The following NRXN3 variants were observed in gnomAD, a reference collection of about 807,000 sequenced individuals.
NRXN3 encodes the protein neurexin 3.
NRXN3 carries 32 observed loss-of-function variants against 137.6 expected under a neutral mutation model. That is an observed-to-expected ratio of 0.23 (90% CI 0.18 to 0.31). NRXN3 has a LOEUF of 0.31. Among genes scored for constraint, NRXN3 ranks in the 10% least tolerant of loss-of-function variants. The pLI, the probability that NRXN3 is intolerant of heterozygous loss-of-function variation, is 1.00. For missense variants in NRXN3, 1,574 were observed against 2,062.5 expected (o/e 0.76, Z 4.59); for synonymous variants, 798 against 784.5 (o/e 1.02, Z -0.29).
At position 79,138,127 on chromosome 14, in the gene NRXN3, A is replaced by G. The variant is rs926969683; in HGVS notation, c.3262+149986A>G. On this transcript the variant is annotated intron_variant, in intron 15 of 20. Coordinates refer to ENST00000335750, the MANE Select transcript of NRXN3 (RefSeq NM_001330195.2). ...GAATAGGACATGGGAACAGGAATCA[A>G]ACTTGGATATATTGTATTTTCATCT... Among the ~76,000 whole-genome samples, 5 of 152,334 alleles carry G rather than the reference A, an allele frequency of 3.3e-5. No individual in the cohort carries two copies. The South Asian group carries it at 8.3e-4, about 25-fold the overall frequency.
At chr14:79,743,318 A>C (rs772418284) in intron 19 of NRXN3, among the ~76,000 whole-genome samples, 1 of 152,178 alleles carries the variant, frequency 6.6e-6, no homozygotes, top group African/African-American at 2.4e-5. Context: ...CATTAAAATC[A>C]AAGTATTAGA....
At chr14:79,414,754 G>A (rs974443522) in intron 15 of NRXN3, among the ~76,000 whole-genome samples, 1 of 151,974 alleles carries the variant, frequency 6.6e-6, no homozygotes, top group Admixed American at 6.6e-5. Context: ...CACATTTTAA[G>A]TATACAATAC....
chr14:79,435,732 T>C (rs975257535), intron 15 of NRXN3, among the ~76,000 whole-genome samples: 6 of 152,024 alleles, frequency 3.9e-5, no homozygotes, highest in Admixed American at 3.9e-4. Context: ...TCTCCTGAGC[T>C]CAGGCTATCC....
chr14:79,763,286 T>C (rs895892069), intron 19 of NRXN3, among the ~76,000 whole-genome samples: 7 of 151,660 alleles, frequency 4.6e-5, no homozygotes, highest in Admixed American at 1.3e-4. Context: ...GGCATTTGGA[T>C]TGGTTCCAAG....
At chr14:78,230,340 C>G (rs1401705204) in intron 1 of NRXN3, among the ~76,000 whole-genome samples, 1 of 151,474 alleles carries the variant, frequency 6.6e-6, no homozygotes, top group Non-Finnish European at 1.5e-5. Context: ...CTCTCTCTCT[C>G]TCTCTCTCTC....
intron 1 of NRXN3, among the ~76,000 whole-genome samples, chr14:78,240,484 G>A (rs2066943009): frequency 6.6e-6 from 1 of 152,080 alleles, no homozygotes; most frequent in African/African-American, 2.4e-5. Context: ...TTATGGGGAG[G>A]GTGCTAAGTA....
At chr14:79,568,853 G>A (rs920938947) in intron 16 of NRXN3, among the ~76,000 whole-genome samples, 1 of 152,132 alleles carries the variant, frequency 6.6e-6, no homozygotes, top group African/African-American at 2.4e-5. Flanking sequence ...GAAATGAGGA[G>A]TAACAGTAAC....
intron 15 of NRXN3, among the ~76,000 whole-genome samples, chr14:79,380,411 T>C (rs2094438448): frequency 2.7e-5 from 4 of 149,798 alleles, no homozygotes; most frequent in African/African-American, 4.9e-5. Context: ...TGTGTTCTCA[T>C]TGTTCAGTTC....
intron 15 of NRXN3, among the ~76,000 whole-genome samples, chr14:79,305,005 A>G (rs1277146313): frequency 1.3e-5 from 2 of 152,094 alleles, no homozygotes; most frequent in East Asian, 3.9e-4. Flanking sequence ...CCAGAAGCAC[A>G]GCAGTGCTGT....
At chr14:78,189,954 G>A (rs1242650454) in intron 1 of NRXN3, among the ~76,000 whole-genome samples, 12 of 152,100 alleles carry the variant, frequency 7.9e-5, no homozygotes, top group South Asian at 2.1e-4. Context: ...ACCGTACTTC[G>A]TATTCATAGC....
intron 16 of NRXN3, among the ~76,000 whole-genome samples, chr14:79,649,816 T>C (rs2098467724): frequency 6.6e-6 from 1 of 152,200 alleles, no homozygotes; most frequent in African/African-American, 2.4e-5. Flanking sequence ...AAATACATCT[T>C]ATTGTTTCAG....
chr14:78,821,213 T>C (rs1183854665), intron 10 of NRXN3, among the ~76,000 whole-genome samples: 1 of 152,192 alleles, frequency 6.6e-6, no homozygotes, highest in African/African-American at 2.4e-5. Context: ...ATGAAATTTA[T>C]TTCTGAAATC....
At chr14:78,842,740 T>A (rs2099016096) in intron 10 of NRXN3, among the ~76,000 whole-genome samples, 1 of 152,022 alleles carries the variant, frequency 6.6e-6, no homozygotes, top group African/African-American at 2.4e-5. Flanking sequence ...AAGTGACCAT[T>A]TCAGAGGCCT....
chr14:79,717,169 G>A (rs1281985084), intron 19 of NRXN3, among the ~76,000 whole-genome samples: 1 of 152,154 alleles, frequency 6.6e-6, no homozygotes, highest in Non-Finnish European at 1.5e-5. Context: ...CTGCTGCTTT[G>A]AAGATGCATT....
chr14:78,793,694 A>G (rs2098812483), intron 8 of NRXN3, among the ~76,000 whole-genome samples: 1 of 152,166 alleles, frequency 6.6e-6, no homozygotes, highest in South Asian at 2.1e-4. Flanking sequence ...TCACATAGGC[A>G]TACGATGCTT....
chr14:78,981,436 C>A (rs1385157305), intron 14 of NRXN3, among the ~76,000 whole-genome samples: 1 of 152,188 alleles, frequency 6.6e-6, no homozygotes, highest in Non-Finnish European at 1.5e-5. Context: ...CACCCTCTCA[C>A]TTGCCACCTA....
intron 4 of NRXN3, among the ~76,000 whole-genome samples, chr14:78,541,754 C>T (rs2096591525): frequency 6.6e-6 from 1 of 152,190 alleles, no homozygotes; most frequent in African/African-American, 2.4e-5. Flanking sequence ...TTTGTGCTTT[C>T]ATCCCACCTT....
chr14:79,583,574 C>T (rs552521640), intron 16 of NRXN3, among the ~76,000 whole-genome samples: 2 of 152,194 alleles, frequency 1.3e-5, no homozygotes, highest in Admixed American at 1.3e-4. Flanking sequence ...TGCATAGCAA[C>T]GTCCATGGGA....
At chr14:79,153,246 C>A (rs1182447946) in intron 15 of NRXN3, among the ~76,000 whole-genome samples, 2 of 151,938 alleles carry the variant, frequency 1.3e-5, no homozygotes, top group South Asian at 4.1e-4. Flanking sequence ...CAGCTATTTT[C>A]AAAACATTTA....
Sources: gnomAD v4.1 joint callset for allele counts (sites outside exome capture counted in the v4.1 genomes callset) on GRCh38, gnomAD v4.1.1 for gene constraint, MANE v1.5 for transcripts, NCBI Gene and HGNC (gene_info 2026-07-23, HGNC 2026-07-21) for gene names.